The following APBB2 variants were observed in gnomAD, a reference collection of about 807,000 sequenced individuals.
APBB2 encodes the protein Fe65-like 1.
A neutral mutation model predicts 82.5 loss-of-function variants in APBB2; 38 were observed. The observed-to-expected ratio is 0.46, with a 90% confidence interval of 0.36 to 0.60. The LOEUF (loss-of-function observed/expected upper bound fraction) is 0.60, where lower values mean the gene tolerates loss of function less well. APBB2 is among the 20% of genes least tolerant of loss of function. The pLI is 0.00. For missense variants in APBB2, 772 were observed against 972.3 expected (o/e 0.79, Z 2.74); for synonymous variants, 341 against 368.2 (o/e 0.93, Z 0.85).
At chr4:41,033,733 C>G (rs1441956697) in intron 4 of APBB2, among the ~76,000 whole-genome samples, 2 of 151,680 alleles carry the variant, frequency 1.3e-5, no homozygotes, top group African/African-American at 4.8e-5. Context: ...AAAAAACAGA[C>G]TGAAGAAAAA....
chr4:41,045,738 T>C (rs1291865406), intron 4 of APBB2, among the ~76,000 whole-genome samples: 1 of 152,226 alleles, frequency 6.6e-6, no homozygotes, highest in South Asian at 2.1e-4. Context: ...TTATATAATT[T>C]CTATAATTTA....
intron 12 of APBB2, 107 bp downstream of exon 12, chr4:40,890,257 C>A (rs1578220129): frequency 3.5e-6 from 5 of 1,415,114 alleles, no homozygotes; most frequent in Non-Finnish European, 4.7e-6. Context: ...TATATAGAAG[C>A]TACATGAGTT....
intron 2 of APBB2, among the ~76,000 whole-genome samples, chr4:41,126,926 A>G (rs1479943953): frequency 6.6e-6 from 1 of 152,106 alleles, no homozygotes; most frequent in Non-Finnish European, 1.5e-5. Flanking sequence ...TACCTCTTTA[A>G]AGACTTTGTC....
At chr4:41,046,593 T>A (rs1240654608) in intron 4 of APBB2, among the ~76,000 whole-genome samples, 2 of 142,048 alleles carry the variant, frequency 1.4e-5, no homozygotes, top group African/African-American at 4.9e-5. Context: ...CTTCTCCAGT[T>A]TAAAAAAAAA....
At chr4:40,830,669 G>A (rs1278903609) in intron 12 of APBB2, 92 bp from the exon 13 acceptor site, 17 of 735,682 alleles carry the variant, frequency 2.3e-5, no homozygotes, top group Non-Finnish European at 3.9e-5. Flanking sequence ...AGCAGCCAGC[G>A]TGTCAATGGT....
At chr4:40,954,821 A>G (rs7660943) in intron 6 of APBB2, among the ~76,000 whole-genome samples, 145,924 of 152,194 alleles carry the variant, frequency 0.96, 70,161 homozygotes, top group South Asian at 1. Flanking sequence ...ACACCATCAC[A>G]CCCGGGTAAT....
Position 41,185,649 on chromosome 4 carries a change from G to T in APBB2, c.-417+28756C>A, listed in dbSNP as rs1342928097. ...GTATTTCTTTCTTTCTCAGAGAATT[G>T]GCCTTCACTTTATTGCAACATCTTA... On this transcript the variant is annotated intron_variant, in intron 1 of 17. Transcript: ENST00000508593. Among the ~76,000 whole-genome samples the T allele has an allele frequency of 2.6e-5, 4 of 151,826 alleles. No individual in the cohort carries two copies. In the South Asian group the frequency reaches 8.3e-4, roughly 32 times the overall value.
rs1208786099 is a variant in APBB2, at chr4:40,810,869, A to ATT, written c.*5221_*5222dup. On this transcript the variant is annotated 3_prime_UTR_variant, in exon 18 of 18. Coordinates refer to ENST00000508593, the MANE Select transcript of APBB2 (RefSeq NM_004307.2). ...AAGGCGGTGCAGCTTAATTTAACAT[A>ATT]TTGTTCAGTAAAGAATCCCATTGTG... is the stretch of plus-strand genomic sequence containing the variant. 3.3e-5 allele frequency: 5 copies of ATT among 152,146 alleles called. No homozygotes were observed. The highest frequency in any genetic ancestry group is 9.7e-5 in the African/African-American group (4 of 41,424). 9.4% of individuals were successfully genotyped at this position (152,146 alleles called of 1,614,324 possible).
rs938111254 is a variant in APBB2, at chr4:41,127,325, C to T, written c.-261+15662G>A. 1.2e-4 allele frequency among the ~76,000 whole-genome samples: 19 copies of T among 152,038 alleles called. No individual in the cohort carries two copies. The highest frequency in any genetic ancestry group is 3.6e-4 in the African/African-American group (15 of 41,392). The stretch of plus-strand genomic sequence containing the variant: ...CCACATTTTATAAGCATTTGTACTG[C>T]GACAATACAACACAAGGAAAAAAAA... On this transcript the variant is annotated intron_variant, in intron 2 of 17. Transcript: ENST00000508593. This position sits in a 1 kb window ranked among gnomAD's most constrained non-coding sequence, Gnocchi z 4.8.
intron 6 of APBB2, among the ~76,000 whole-genome samples, chr4:41,004,170 C>T (rs781034231): frequency 6.6e-6 from 1 of 151,862 alleles, no homozygotes; most frequent in Non-Finnish European, 1.5e-5. Flanking sequence ...CTACCCACCT[C>T]GGCCTCCCAA....
chr4:41,062,237 A>G (rs1300283516), intron 4 of APBB2, among the ~76,000 whole-genome samples: 1 of 151,986 alleles, frequency 6.6e-6, no homozygotes, highest in Non-Finnish European at 1.5e-5. Context: ...CAATGCCACA[A>G]TCCTGGCTCA....
intron 2 of APBB2, among the ~76,000 whole-genome samples, chr4:41,121,274 T>G (rs1212777877): frequency 6.6e-6 from 1 of 152,262 alleles, no homozygotes; most frequent in Non-Finnish European, 1.5e-5. Flanking sequence ...CATACGTGCT[T>G]TGAATTTTTA....
At chr4:40,854,133 A>G (rs539757963) in intron 12 of APBB2, among the ~76,000 whole-genome samples, 1 of 152,246 alleles carries the variant, frequency 6.6e-6, no homozygotes, top group South Asian at 2.1e-4. Flanking sequence ...ACAATGAAGT[A>G]TTTTCATCTA....
At chr4:40,876,398 T>C (rs1766913908) in intron 12 of APBB2, among the ~76,000 whole-genome samples, 1 of 152,376 alleles carries the variant, frequency 6.6e-6, no homozygotes. Flanking sequence ...AACTGCCTTC[T>C]GTCACTACAA....
chr4:41,001,258 T>G (rs928449233), intron 6 of APBB2, among the ~76,000 whole-genome samples: 1 of 152,176 alleles, frequency 6.6e-6, no homozygotes, highest in African/African-American at 2.4e-5. Context: ...AATAACACTC[T>G]TCATGTCTGT....
intron 1 of APBB2, among the ~76,000 whole-genome samples, chr4:41,196,031 C>T: frequency 7.0e-6 from 1 of 143,494 alleles, no homozygotes; most frequent in Non-Finnish European, 1.5e-5. Flanking sequence ...GTGGTGGCGG[C>T]GCCTGTAGTC....
Position 41,036,150 on chromosome 4 carries a change from C to T in APBB2, c.-50-2846G>A, listed in dbSNP as rs527337309. ...TCCAGCCTGGACAACAGAGTGACAC[C>T]CTATCTCTAAAAAATAATTAAAAAA... On this transcript the variant is annotated intron_variant, in intron 4 of 17. Coordinates refer to ENST00000508593, the MANE Select transcript of APBB2 (RefSeq NM_004307.2). 4.6e-5 allele frequency among the ~76,000 whole-genome samples: 7 copies of T among 152,110 alleles called. No homozygotes were observed. In the South Asian group the frequency reaches 1.2e-3, roughly 27 times the overall value.
At chr4:41,161,659 G>A (rs1313047581) in intron 1 of APBB2, among the ~76,000 whole-genome samples, 1 of 152,094 alleles carries the variant, frequency 6.6e-6, no homozygotes, top group Non-Finnish European at 1.5e-5. Flanking sequence ...CAGGGACAAT[G>A]AGGACCCCAC....
chr4:41,090,638 T>C (rs1177305729), intron 3 of APBB2, among the ~76,000 whole-genome samples: 1 of 152,208 alleles, frequency 6.6e-6, no homozygotes, highest in Non-Finnish European at 1.5e-5. Context: ...CATTCCTTTA[T>C]TAGTAGGGTG....
Sources: gnomAD v4.1 joint callset for allele counts (sites outside exome capture counted in the v4.1 genomes callset) on GRCh38, gnomAD v4.1.1 for gene constraint, Gnocchi (gnomAD v3.1) non-coding constraint, MANE v1.5 for transcripts, NCBI Gene and HGNC (gene_info 2026-07-23, HGNC 2026-07-21) for gene names.